Variants in EMCN observed in about 807,000 individuals in gnomAD.
EMCN encodes MUC-14.
In EMCN, 37 loss-of-function variants were observed where a neutral mutation model predicts 38.4. The ratio of observed to expected loss-of-function variants is 0.96; its 90% CI spans 0.74 to 1.27. The LOEUF is 1.27. Among genes scored for constraint, EMCN ranks in the 50% most tolerant of loss-of-function variants. EMCN has a pLI of 0.00. For missense variants in EMCN, 318 were observed against 302.8 expected (o/e 1.05, Z -0.37); for synonymous variants, 95 against 100.8 (o/e 0.94, Z 0.35).
intron 9 of EMCN, 69 bp from the exon 10 acceptor site, chr4:100,416,028 GAC>G (rs1195857190): frequency 1.0e-6 from 1 of 998,838 alleles, no homozygotes; most frequent in East Asian, 2.5e-5. Flanking sequence ...AAAGTATTGT[GAC>G]ACAAACAGAA....
intron 4 of EMCN, among the ~76,000 whole-genome samples, chr4:100,455,258 G>A (rs1727977450): frequency 6.6e-6 from 1 of 151,836 alleles, no homozygotes; most frequent in African/African-American, 2.4e-5. Flanking sequence ...TTCTACATAT[G>A]TCGTAAACCT....
At position 100,423,106 on chromosome 4, in the gene EMCN, C is replaced by T. The variant is rs758937068; in HGVS notation, c.509-26G>A. The T allele has an allele frequency of 3.1e-6, 5 of 1,611,346 alleles. No individual in the cohort carries two copies. The African/African-American group carries it at 6.7e-5, about 22-fold the overall frequency. On this transcript the variant is annotated intron_variant, in intron 6 of 11. Coordinates refer to ENST00000296420, the MANE Select transcript of EMCN (RefSeq NM_016242.4). ...CTTTAAGAAAGAAAAAAACAAGTCA[C>T]TTTTGGTTAATGTGTGCCAATTCTT... is the stretch of plus-strand genomic sequence containing the variant.
intron 8 of EMCN, among the ~76,000 whole-genome samples, chr4:100,419,952 G>A (rs4323110): frequency 0.14 from 21,358 of 152,026 alleles, 1,759 homozygotes; most frequent in African/African-American, 0.22. Context: ...GGTGTCCTGG[G>A]GGGCACACTG....
chr4:100,499,390 C>T (rs1232394313), intron 1 of EMCN, among the ~76,000 whole-genome samples: 1 of 152,100 alleles, frequency 6.6e-6, no homozygotes, highest in Non-Finnish European at 1.5e-5. Context: ...GATGTGTTAC[C>T]ACATTGAAAT....
At chr4:100,474,142 C>CAG (rs556356078) in intron 3 of EMCN, 64 of 152,204 alleles carry the variant, frequency 4.2e-4, no homozygotes, top group Admixed American at 7.2e-4. Flanking sequence ...TGAATGTATA[C>CAG]AGAACTCTTG....
In EMCN at chr4:100,395,720, T is replaced by G. The variant is rs1726103700; in HGVS notation, c.*2693A>C. On this transcript the variant is annotated 3_prime_UTR_variant, in exon 12 of 12. Transcript: ENST00000296420. ...TTGATACTCATAAATTTAAATATGG[T>G]AGGTAGAAAAGAAATAACACACAGA... The G allele has an allele frequency of 2.0e-5, 3 of 152,102 alleles. No individual in the cohort carries two copies. The South Asian group carries it at 6.2e-4, about 32-fold the overall frequency. 9.4% of individuals were successfully genotyped at this position (152,102 alleles called of 1,614,324 possible). A position where few individuals can be genotyped will look rare whatever the true frequency, so the allele number is the denominator to read the frequency against.
chr4:100,446,281 T>C lies in EMCN; in HGVS notation c.415+1252A>G, dbSNP rs552097046. On this transcript the variant is annotated intron_variant, in intron 5 of 11. Coordinates refer to ENST00000296420, the MANE Select transcript of EMCN (RefSeq NM_016242.4). ...ATGGAAATAATAAAAAATATGGTGATTAATGAATTAAAAAAATGGTGATTA... is the reference window on the plus strand; with the variant it reads ...ATGGAAATAATAAAAAATATGGTGACTAATGAATTAAAAAAATGGTGATTA... The C allele has an allele frequency of 2.4e-5, 20 of 823,252 alleles. No individual in the cohort carries two copies. In the African/African-American group the frequency reaches 3.7e-4, roughly 15 times the overall value. The allele number at this position is 823,252 out of a possible 1,614,324, so 51.0% of individuals were successfully genotyped here. A position where few individuals can be genotyped will look rare whatever the true frequency, so the allele number is the denominator to read the frequency against.
chr4:100,463,509 C>T (rs1036527278), intron 4 of EMCN, among the ~76,000 whole-genome samples: 1 of 152,162 alleles, frequency 6.6e-6, no homozygotes, highest in African/African-American at 2.4e-5. Context: ...ATATGATTTA[C>T]ACACCATTAA....
At chr4:100,517,151 G>A (rs1429274590) in intron 1 of EMCN, among the ~76,000 whole-genome samples, 2 of 152,076 alleles carry the variant, frequency 1.3e-5, no homozygotes, top group African/African-American at 4.8e-5. Context: ...ATTGTCCATT[G>A]ATATACTCAA....
At chr4:100,453,355 G>A (rs1727904055) in intron 4 of EMCN, among the ~76,000 whole-genome samples, 1 of 151,708 alleles carries the variant, frequency 6.6e-6, no homozygotes, top group African/African-American at 2.4e-5. Context: ...TCAAAAAGTG[G>A]GCAAAGGATA....
chr4:100,516,150 A>T (rs1048887983), intron 1 of EMCN, among the ~76,000 whole-genome samples: 8 of 152,254 alleles, frequency 5.3e-5, no homozygotes, highest in African/African-American at 1.9e-4. Context: ...AAGAACTGTT[A>T]ACAGGTTGAG....
intron 1 of EMCN, among the ~76,000 whole-genome samples, chr4:100,491,437 G>A (rs1027077207): frequency 1.3e-5 from 2 of 152,132 alleles, no homozygotes; most frequent in African/African-American, 4.8e-5. Flanking sequence ...AAGATCAGAG[G>A]CTAAATCTGC....
At chr4:100,512,517 A>T (rs574460373) in intron 1 of EMCN, among the ~76,000 whole-genome samples, 2 of 152,258 alleles carry the variant, frequency 1.3e-5, no homozygotes, top group East Asian at 1.9e-4. Context: ...TTAAATTCCT[A>T]TTCTGAGCTG....
chr4:100,420,416 G>A (rs1240500691), intron 8 of EMCN, among the ~76,000 whole-genome samples: 1 of 151,900 alleles, frequency 6.6e-6, no homozygotes, highest in Non-Finnish European at 1.5e-5. Context: ...GGTAAGAGGT[G>A]GGCTGGATAT....
chr4:100,478,783 A>G (rs1728728659), intron 2 of EMCN, among the ~76,000 whole-genome samples: 1 of 152,162 alleles, frequency 6.6e-6, no homozygotes, highest in African/African-American at 2.4e-5. Context: ...GTGCATAACT[A>G]CTGAAGGACA....
chr4:100,491,779 C>T (rs1383718245), intron 1 of EMCN, among the ~76,000 whole-genome samples: 4 of 152,216 alleles, frequency 2.6e-5, no homozygotes, highest in African/African-American at 9.6e-5. Context: ...CCAGCTGCCT[C>T]ACCCAAATTA....
At chr4:100,404,038 A>G (rs1726327924) in intron 11 of EMCN, among the ~76,000 whole-genome samples, 1 of 151,890 alleles carries the variant, frequency 6.6e-6, no homozygotes, top group South Asian at 2.1e-4. Flanking sequence ...TACTCTGTTG[A>G]TAGTTTCTTA....
At chr4:100,402,395 T>G (rs1464486322) in intron 11 of EMCN, among the ~76,000 whole-genome samples, 1 of 152,182 alleles carries the variant, frequency 6.6e-6, no homozygotes, top group Non-Finnish European at 1.5e-5. Flanking sequence ...ACTTCTTTCC[T>G]GAAATCTTCT....
chr4:100,460,666 C>T (rs1262780875), intron 4 of EMCN, among the ~76,000 whole-genome samples: 5 of 152,156 alleles, frequency 3.3e-5, no homozygotes, highest in Admixed American at 1.3e-4. Context: ...AGGTCCCTCC[C>T]ATGACACGTG....
Sources: gnomAD v4.1 joint callset for allele counts (sites outside exome capture counted in the v4.1 genomes callset) on GRCh38, gnomAD v4.1.1 for gene constraint, MANE v1.5 for transcripts, NCBI Gene and HGNC (gene_info 2026-07-23, HGNC 2026-07-21) for gene names.